RPS6KA4: variants seen among roughly 807,000 people sequenced by gnomAD.
RPS6KA4 encodes the protein ribosomal protein S6 kinase A4.
Under a neutral mutation model 89.6 loss-of-function variants are expected in RPS6KA4, and 38 were observed. The observed-to-expected ratio is 0.42, with a 90% CI of 0.33 to 0.56. The LOEUF is 0.56. Among genes scored for constraint, RPS6KA4 ranks in the 20% least tolerant of loss-of-function variants. RPS6KA4 has a pLI of 0.07. For synonymous variants in RPS6KA4, 495 were observed against 492.8 expected, an observed-to-expected ratio of 1.00 and a Z score of -0.06; for missense variants, 873 against 1,098.8, an observed-to-expected ratio of 0.79 and a Z score of 2.90.
rs1472972714 is a variant in RPS6KA4 at position 64,368,607 on chromosome 11, A to G, written c.1334+6A>G. On this transcript the variant is annotated splice_donor_region_variant and intron_variant, in intron 11 of 16. Coordinates refer to ENST00000334205, the MANE Select transcript of RPS6KA4 (RefSeq NM_003942.3). ...GTCAAGATCCTCAGTCGCAGGTGGG[A>G]GGGCCCAGGCGCGGGCAGGGGTGGG... The G allele has an allele frequency of 6.4e-7, 1 of 1,562,844 alleles. No homozygotes were observed. Among genetic ancestry groups the G allele is most frequent in the East Asian group, 2.4e-5 (1 of 42,270 alleles).
At position 64,370,342 on chromosome 11, in the gene RPS6KA4, G is replaced by C. The variant is rs753939688; in HGVS notation, c.1915G>C (p.Ala639Pro). Reference sequence around the variant, plus strand: ...GGGGCGCTTCTCCCTTGACGGGGAGGCCTGGCAGGGTGTATCCGAGGAAGC... The same window carrying C: ...GGGGCGCTTCTCCCTTGACGGGGAGCCCTGGCAGGGTGTATCCGAGGAAGC... ...REGRFSLDGE[A>P]WQGVSEEAKE... Residue 639 changes from alanine (A) to proline (P), a missense_variant, in exon 15 of 17, where the codon GCC (alanine) becomes CCC (proline). Transcript: ENST00000334205. This position sits in a 1 kb window ranked among gnomAD's most constrained non-coding sequence, Gnocchi z 4.1. 1.2e-6 allele frequency: 2 copies of C among 1,606,406 alleles called. No homozygotes were observed. Among genetic ancestry groups the C allele is most frequent in the South Asian group, 1.1e-5 (1 of 90,390 alleles).
rs2037030371 is a variant in RPS6KA4, at chr11:64,370,449, G to C, written c.1957+65G>C. On this transcript the variant is annotated intron_variant, in intron 15 of 16. Transcript: ENST00000334205. This position sits in a 1 kb window ranked among gnomAD's most constrained non-coding sequence, Gnocchi z 4.1. ...GACGCTGGGACAGGGATGGTCACTG[G>C]GCCAGGTGTCCTGGTTGGGGATGGG... 6.2e-7 allele frequency: 1 copy of C among 1,606,756 alleles called. No homozygotes were observed. Among genetic ancestry groups the C allele is most frequent in the African/African-American group, 1.3e-5 (1 of 74,618 alleles).
chr11:64,371,200 A>G, intron 16 of RPS6KA4, 83 bp from the exon 17 acceptor site: 1 of 1,395,016 alleles, frequency 7.2e-7, no homozygotes, highest in Non-Finnish European at 1.0e-6. Flanking sequence ...GGCTGGAGGC[A>G]AGGTCTGGGA....
intron 9 of RPS6KA4, among the ~76,000 whole-genome samples, chr11:64,366,764 C>A (rs562957259): frequency 1.3e-5 from 2 of 152,352 alleles, no homozygotes; most frequent in Admixed American, 1.3e-4. Flanking sequence ...CCCAGGGGGT[C>A]ACCCTTTCTT....
intron 9 of RPS6KA4, among the ~76,000 whole-genome samples, chr11:64,367,467 C>T (rs576973761): frequency 3.9e-5 from 6 of 152,300 alleles, no homozygotes; most frequent in East Asian, 3.9e-4. Flanking sequence ...TGTGCCACCA[C>T]GCCTGGCTAA....
At chr11:64,368,062 C>A in intron 9 of RPS6KA4, 70 bp from the exon 10 acceptor site, 1 of 1,549,432 alleles carries the variant, frequency 6.5e-7, no homozygotes, top group Non-Finnish European at 8.8e-7. Context: ...CCTGGTTCCC[C>A]ACCAGAGTCT....
At chr11:64,359,500 C>A in intron 2 of RPS6KA4, 51 bp downstream of exon 2, 1 of 1,581,438 alleles carries the variant, frequency 6.3e-7, no homozygotes, top group African/African-American at 1.3e-5. Flanking sequence ...TGCCCCTGAC[C>A]TCCTGCCTGC....
rs188809332 is a variant in RPS6KA4, at chr11:64,366,910, C to T, written c.1072-1222C>T. Among the ~76,000 whole-genome samples the T allele has an allele frequency of 2.0e-5, 3 of 152,300 alleles. No homozygotes were observed. In the East Asian group the frequency reaches 5.8e-4, roughly 29 times the overall value. ...AGACCAAGTATGGCTGGATAAGTCC[C>T]TTCTCTGAAGCTCTTAGAATTGACA... is the stretch of plus-strand genomic sequence containing the variant. On this transcript the variant is annotated intron_variant, in intron 9 of 16. Coordinates refer to ENST00000334205, the MANE Select transcript of RPS6KA4 (RefSeq NM_003942.3).
chr11:64,371,543 G>T lies in RPS6KA4; in HGVS notation c.*63G>T, dbSNP rs975087859. 7.5e-5 allele frequency: 51 copies of T among 678,672 alleles called. 1 individual carries two copies. In the African/African-American group the frequency reaches 9.0e-4, roughly 12 times the overall value. 42.0% of individuals were successfully genotyped at this position (678,672 alleles called of 1,614,324 possible). ...TGACCTGGGAGCCCGGCTCACTCCCGGAGGCCTCTGCCTGCGGCTGACCTG... is the reference window on the plus strand; with the variant it reads ...TGACCTGGGAGCCCGGCTCACTCCCTGAGGCCTCTGCCTGCGGCTGACCTG... On this transcript the variant is annotated 3_prime_UTR_variant, in exon 17 of 17. Transcript: ENST00000334205.
chr11:64,359,487 C>T lies in RPS6KA4; in HGVS notation c.127+38C>T, dbSNP rs765656993. On this transcript the variant is annotated intron_variant, in intron 2 of 16. Coordinates refer to ENST00000334205, the MANE Select transcript of RPS6KA4 (RefSeq NM_003942.3). ...ATCCACCGGGCAGGCGTCCCAGGCG[C>T]GGTGCCCCTGACCTCCTGCCTGCTC... is the stretch of plus-strand genomic sequence containing the variant. 3.1e-6 allele frequency: 5 copies of T among 1,606,360 alleles called. No homozygotes were observed. The East Asian group carries it at 1.1e-4, about 36-fold the overall frequency.
intron 2 of RPS6KA4, chr11:64,359,660 G>A (rs889698582): frequency 2.5e-5 from 15 of 594,208 alleles, no homozygotes; most frequent in African/African-American, 5.6e-5. Flanking sequence ...CCACGGTCCT[G>A]TGCGTGCATA....
chr11:64,362,837 A>G lies in RPS6KA4; in HGVS notation c.906+835A>G, dbSNP rs12284259. 1.0e-2 allele frequency among the ~76,000 whole-genome samples: 1,517 copies of G among 152,180 alleles called. 22 individuals are homozygous for G. Among genetic ancestry groups the G allele is most frequent in the African/African-American group, 0.032 (1,340 of 41,518 alleles). On this transcript the variant is annotated intron_variant, in intron 8 of 16. Transcript: ENST00000334205. ...AGGCACAGGCCACCACGACTGGCTA[A>G]TTTTTATATTTTTAGTAGAAACGGG...
In RPS6KA4 at chr11:64,361,459, G is replaced by C. The variant is rs1204413064; in HGVS notation, c.571-10G>C. The C allele has an allele frequency of 6.2e-7, 1 of 1,614,044 alleles. No homozygotes were observed. The highest frequency in any genetic ancestry group is 1.3e-5 in the African/African-American group (1 of 75,054). On this transcript the variant is annotated splice_polypyrimidine_tract_variant and intron_variant, in intron 5 of 16. Coordinates refer to ENST00000334205, the MANE Select transcript of RPS6KA4 (RefSeq NM_003942.3). This position sits in a 1 kb window ranked among gnomAD's most constrained non-coding sequence, Gnocchi z 4.7. ...TTTCGACATCTAAGCAGGACCTCTT[G>C]CCCTCCCAGAAAGAGCGGACCTTCT...
chr11:64,369,426 G>A lies in RPS6KA4; in HGVS notation c.1429-20G>A, dbSNP rs1382703886. ...CCGCCGTGGGTGGGTGTTGACCTTG[G>A]CCCGCCACGCCGCCCGCAGCTGCAC... On this transcript the variant is annotated intron_variant, in intron 12 of 16. Coordinates refer to ENST00000334205, the MANE Select transcript of RPS6KA4 (RefSeq NM_003942.3). 1 of 1,566,068 alleles carries A rather than the reference G, an allele frequency of 6.4e-7. No homozygotes were observed.
Position 64,361,396 on chromosome 11 carries a change from T to TGTGGGGC in RPS6KA4, c.571-73_571-72insGTGGGGC. The TGTGGGGC allele has an allele frequency of 6.4e-7, 1 of 1,558,686 alleles. No homozygotes were observed. The highest frequency in any genetic ancestry group is 8.8e-7 in the Non-Finnish European group (1 of 1,133,676). ...CCAACCTCACAAGTTGAGCGAGTCTTACTCTGGGCCTTGTGGGGCACTGGG... is the reference window on the plus strand; with the variant it reads ...CCAACCTCACAAGTTGAGCGAGTCTTGTGGGGCACTCTGGGCCTTGTGGGGCACTGGG... On this transcript the variant is annotated intron_variant, in intron 5 of 16. Transcript: ENST00000334205. The surrounding 1 kb of genome is among the most constrained non-coding windows in gnomAD (Gnocchi z 4.7).
chr11:64,368,459 C>T lies in RPS6KA4; in HGVS notation c.1201-9C>T, dbSNP rs1306524070. The T allele has an allele frequency of 1.5e-5, 23 of 1,548,318 alleles. No individual in the cohort carries two copies. Among genetic ancestry groups the T allele is most frequent in the African/African-American group, 4.1e-5 (3 of 72,986 alleles). On this transcript the variant is annotated splice_polypyrimidine_tract_variant and intron_variant, in intron 10 of 16. Transcript: ENST00000334205. ...CCGCCTTCGCCTTCGCCTTCGCCTTCGCCTCCAGGACTCGCCCTTCTTCCA... is the reference window on the plus strand; with the variant it reads ...CCGCCTTCGCCTTCGCCTTCGCCTTTGCCTCCAGGACTCGCCCTTCTTCCA...
chr11:64,369,929 G>A lies in RPS6KA4; in HGVS notation c.1797+36G>A, dbSNP rs1330237359. The A allele has an allele frequency of 5.4e-6, 8 of 1,482,936 alleles. No homozygotes were observed. The South Asian group carries it at 7.8e-5, about 14-fold the overall frequency. 91.9% of individuals were successfully genotyped at this position (1,482,936 alleles called of 1,614,324 possible). A position where few individuals can be genotyped will look rare whatever the true frequency, so the allele number is the denominator to read the frequency against. On this transcript the variant is annotated intron_variant, in intron 14 of 16. Transcript: ENST00000334205. ...CGGTCCTTGAGGCGGGGTCAGGGTC[G>A]CTCGGACCTGGCGTCTTCCTGATGT... is the stretch of plus-strand genomic sequence containing the variant.
At chr11:64,369,246 G>T (rs1033546617) in intron 12 of RPS6KA4, among the ~76,000 whole-genome samples, 200 bp from the exon 13 acceptor site, 7 of 152,198 alleles carry the variant, frequency 4.6e-5, no homozygotes, top group Admixed American at 4.6e-4. Context: ...AGCCGAGGTG[G>T]TGCCACTGCA....
intron 8 of RPS6KA4, among the ~76,000 whole-genome samples, chr11:64,364,015 C>G (rs1490344706): frequency 6.6e-6 from 1 of 152,132 alleles, no homozygotes; most frequent in Non-Finnish European, 1.5e-5. Context: ...TTTTATTATA[C>G]TTACTTATAA....
Sources: gnomAD v4.1 joint callset for allele counts (sites outside exome capture counted in the v4.1 genomes callset) on GRCh38, gnomAD v4.1.1 for gene constraint, Gnocchi (gnomAD v3.1) non-coding constraint, MANE v1.5 for transcripts, NCBI Gene and HGNC (gene_info 2026-07-23, HGNC 2026-07-21) for gene names.